Variants in PHACTR2 observed in about 807,000 individuals in gnomAD.
PHACTR2 encodes phosphatase and actin regulator 2.
A neutral mutation model predicts 76.0 loss-of-function variants in PHACTR2; 30 were observed. The ratio of observed to expected loss-of-function variants is 0.39; its 90% confidence interval spans 0.30 to 0.54. PHACTR2 has a LOEUF of 0.54. Ranked by LOEUF, PHACTR2 falls within the 20% of genes least tolerant of loss-of-function variation. PHACTR2 has a pLI of 0.61. For synonymous variants in PHACTR2, 292 were observed against 292.5 expected, an observed-to-expected ratio of 1.00 and a Z score of 0.02; for missense variants, 696 against 781.1, an observed-to-expected ratio of 0.89 and a Z score of 1.30.
chr6:143,638,227 G>A, intron 1 of PHACTR2, among the ~76,000 whole-genome samples: 1 of 152,108 alleles, frequency 6.6e-6, no homozygotes, highest in East Asian at 1.9e-4. Context: ...CAAATTCAGT[G>A]ATCGCTATGG....
chr6:143,636,401 T>C (rs1776455939), intron 1 of PHACTR2, among the ~76,000 whole-genome samples: 3 of 152,204 alleles, frequency 2.0e-5, no homozygotes, highest in Admixed American at 1.3e-4. Context: ...ATTTTCTGAT[T>C]CATTTGAAGT....
Position 143,825,250 on chromosome 6 carries a change from T to C in PHACTR2, c.*1561T>C, listed in dbSNP as rs1432541561. 6.6e-6 allele frequency: 1 copy of C among 152,240 alleles called. No homozygotes were observed. The highest frequency in any genetic ancestry group is 1.5e-5 in the Non-Finnish European group (1 of 68,034). The allele number at this position is 152,240 out of a possible 1,614,324, so 9.4% of individuals were successfully genotyped here. A position where few individuals can be genotyped will look rare whatever the true frequency, so the allele number is the denominator to read the frequency against. Reference sequence around the variant, plus strand: ...TGTTTCTGGTTCAAGACTGTCATTTTCTATTTCAACCGAAAAGTAAGCATT... The same window carrying C: ...TGTTTCTGGTTCAAGACTGTCATTTCCTATTTCAACCGAAAAGTAAGCATT... On this transcript the variant is annotated 3_prime_UTR_variant, in exon 13 of 13. Coordinates refer to ENST00000440869, the MANE Select transcript of PHACTR2 (RefSeq NM_001100164.2). The surrounding 1 kb of genome is among the most constrained non-coding windows in gnomAD (Gnocchi z 4.1).
chr6:143,640,143 C>T (rs1776539471), intron 1 of PHACTR2, among the ~76,000 whole-genome samples: 2 of 152,222 alleles, frequency 1.3e-5, no homozygotes, highest in African/African-American at 2.4e-5. Flanking sequence ...ACCTACTGCA[C>T]TGCCAGTTGT....
rs1776118803 is a variant in PHACTR2 at position 143,619,718 on chromosome 6, ATC to A, written c.13+11397_13+11398del. Among the ~76,000 whole-genome samples, 5 of 152,302 alleles carry A rather than the reference ATC, an allele frequency of 3.3e-5. 1 individual carries two copies. In the South Asian group the frequency reaches 6.2e-4, roughly 19 times the overall value. ...CCTGCTGCATGCCTCTGCACTTCAC[ATC>A]CTGGGTCTTATTTTCTTAGTAAGGG... On this transcript the variant is annotated intron_variant, in intron 1 of 11. Coordinates refer to the PHACTR2 transcript ENST00000305766. This position sits in a 1 kb window ranked among gnomAD's most constrained non-coding sequence, Gnocchi z 4.5.
In PHACTR2 at chr6:143,786,781, C is replaced by T. The variant is rs377067579; in HGVS notation, c.1708-1992C>T. 2.6e-5 allele frequency among the ~76,000 whole-genome samples: 4 copies of T among 152,144 alleles called. No homozygotes were observed. The South Asian group carries it at 6.2e-4, about 24-fold the overall frequency. ...ATCTCATGAGACTCATTCACTATCA[C>T]GAGAATAGCATGGGAAAGACCAGCC... On this transcript the variant is annotated intron_variant, in intron 10 of 12. Transcript: ENST00000440869.
intron 2 of PHACTR2, among the ~76,000 whole-genome samples, chr6:143,746,327 T>G (rs1433492949): frequency 6.6e-6 from 1 of 152,192 alleles, no homozygotes; most frequent in Non-Finnish European, 1.5e-5. Flanking sequence ...GCAGCCATTT[T>G]GTGTTTTGGG....
rs1341643834 is a variant in PHACTR2 at position 143,547,495 on chromosome 6, C to A, written c.217+10288C>A. Among the ~76,000 whole-genome samples the A allele has an allele frequency of 6.6e-6, 1 of 152,154 alleles. No homozygotes were observed. The highest frequency in any genetic ancestry group is 1.5e-5 in the Non-Finnish European group (1 of 68,032). On this transcript the variant is annotated intron_variant, in intron 1 of 11. Transcript: ENST00000367584. This position sits in a 1 kb window ranked among gnomAD's most constrained non-coding sequence, Gnocchi z 4.2. ...CACAAGGTCATATGTGCTAACCAAG[C>A]AGATCAGTTGGAACTGTTAACACAG...
intron 2 of PHACTR2, among the ~76,000 whole-genome samples, chr6:143,740,278 G>A (rs1372668044): frequency 1.3e-5 from 2 of 152,034 alleles, no homozygotes; most frequent in Non-Finnish European, 1.5e-5. Context: ...GTGGGTTTTA[G>A]CTGGCTTCTT....
Position 143,616,605 on chromosome 6 carries a change from G to A in PHACTR2, c.13+8283G>A, listed in dbSNP as rs1387773571. ...TCTGTGCCACGCAATGTCCTAGTTA[G>A]TGTGGATATGAGAGAATGAAACGGA... is the stretch of plus-strand genomic sequence containing the variant. On this transcript the variant is annotated intron_variant, in intron 1 of 11. Transcript: ENST00000305766. The surrounding 1 kb of genome is among the most constrained non-coding windows in gnomAD (Gnocchi z 4.9). Among the ~76,000 whole-genome samples the A allele has an allele frequency of 2.0e-5, 3 of 152,144 alleles. No homozygotes were observed. The highest frequency in any genetic ancestry group is 7.2e-5 in the African/African-American group (3 of 41,424).
At position 143,819,518 on chromosome 6, in the gene PHACTR2, A is replaced by T. The variant is rs1160449697; in HGVS notation, c.1923-4156A>T. On this transcript the variant is annotated intron_variant, in intron 12 of 12. Coordinates refer to ENST00000440869, the MANE Select transcript of PHACTR2 (RefSeq NM_001100164.2). The surrounding 1 kb of genome is among the most constrained non-coding windows in gnomAD (Gnocchi z 5.0). Reference sequence around the variant, plus strand: ...GAAGTCCCAGAACAGGCTGTCGGCAACCTGGAGACCCTGAGATGCTGGTAG... The same window carrying T: ...GAAGTCCCAGAACAGGCTGTCGGCATCCTGGAGACCCTGAGATGCTGGTAG... Among the ~76,000 whole-genome samples the T allele has an allele frequency of 6.6e-6, 1 of 152,200 alleles. No homozygotes were observed. The highest frequency in any genetic ancestry group is 6.5e-5 in the Admixed American group (1 of 15,278).
At chr6:143,799,635 C>T (rs1196523309) in intron 11 of PHACTR2, among the ~76,000 whole-genome samples, 12 of 152,118 alleles carry the variant, frequency 7.9e-5, no homozygotes, top group East Asian at 5.8e-4. Flanking sequence ...GCCTTCATTT[C>T]GTTATTTATC....
At chr6:143,615,459 A>T (rs1776044817) in intron 1 of PHACTR2, among the ~76,000 whole-genome samples, 1 of 152,208 alleles carries the variant, frequency 6.6e-6, no homozygotes, top group Non-Finnish European at 1.5e-5. Flanking sequence ...ATGTCATATG[A>T]TCTTATTATA....
rs1358668105 is a variant in PHACTR2, at chr6:143,550,746, A to G, written c.217+13539A>G. Among the ~76,000 whole-genome samples, 1 of 151,992 alleles carries G rather than the reference A, an allele frequency of 6.6e-6. No homozygotes were observed. The highest frequency in any genetic ancestry group is 1.9e-4 in the East Asian group (1 of 5,190). On this transcript the variant is annotated intron_variant, in intron 1 of 11. Transcript: ENST00000367584. The surrounding 1 kb of genome is among the most constrained non-coding windows in gnomAD (Gnocchi z 4.8). The stretch of plus-strand genomic sequence containing the variant: ...AACAAACAACAACAAAAACAAACAA[A>G]CAAAGATTAGGGGCGAGTGCGGTGG...
In PHACTR2 at chr6:143,639,476, TTTCTGCTTATGTAGATCA is replaced by T. The variant is rs1160905362; in HGVS notation, c.13+31155_13+31172del. ...TCTTATTTTTAATTCACACTTTTGT[TTTCTGCTTATGTAGATCA>T]CCTATTTTTACTTTTGGCATCTAGA... On this transcript the variant is annotated intron_variant, in intron 1 of 11. Transcript: ENST00000305766. The surrounding 1 kb of genome is among the most constrained non-coding windows in gnomAD (Gnocchi z 5.0). Among the ~76,000 whole-genome samples, 1 of 152,224 alleles carries T rather than the reference TTTCTGCTTATGTAGATCA, an allele frequency of 6.6e-6. No homozygotes were observed. The highest frequency in any genetic ancestry group is 1.5e-5 in the Non-Finnish European group (1 of 68,036).
At chr6:143,593,072 GAAC>G (rs1775711228) in intron 1 of PHACTR2, among the ~76,000 whole-genome samples, 2 of 133,420 alleles carry the variant, frequency 1.5e-5, no homozygotes, top group Non-Finnish European at 3.2e-5. Context: ...AAAAAAAAAG[GAAC>G]CCCCATGAGA....
In PHACTR2 at chr6:143,689,558, A is replaced by G. The variant is rs2128455702; in HGVS notation, c.46+11349A>G. 6.6e-6 allele frequency among the ~76,000 whole-genome samples: 1 copy of G among 152,196 alleles called. No individual in the cohort carries two copies. The highest frequency in any genetic ancestry group is 2.1e-4 in the South Asian group (1 of 4,814). Reference sequence around the variant, plus strand: ...ATTGATTGATTTTTCAGCATGACACATTATCTACTGAGCTCACAGTATGGA... The same window carrying G: ...ATTGATTGATTTTTCAGCATGACACGTTATCTACTGAGCTCACAGTATGGA... On this transcript the variant is annotated intron_variant, in intron 1 of 12. Transcript: ENST00000440869. This position sits in a 1 kb window ranked among gnomAD's most constrained non-coding sequence, Gnocchi z 4.4.
chr6:143,546,873 AT>A lies in PHACTR2; in HGVS notation c.217+9667del, dbSNP rs371585942. Among the ~76,000 whole-genome samples the A allele has an allele frequency of 2.3e-4, 34 of 144,872 alleles. No homozygotes were observed. Among genetic ancestry groups the A allele is most frequent in the Middle Eastern group, 3.5e-3 (1 of 286 alleles). ...AGACCCCATCTCAAAAAAAAAAAAA[AT>A]AAAAAATAAAAAATTAGCCAGGTGA... On this transcript the variant is annotated intron_variant, in intron 1 of 11. Coordinates refer to the PHACTR2 transcript ENST00000367584. The surrounding 1 kb of genome is among the most constrained non-coding windows in gnomAD (Gnocchi z 4.9).
chr6:143,816,007 A>G lies in PHACTR2; in HGVS notation c.1923-7667A>G, dbSNP rs984133970. On this transcript the variant is annotated intron_variant, in intron 12 of 12. Transcript: ENST00000440869. The surrounding 1 kb of genome is among the most constrained non-coding windows in gnomAD (Gnocchi z 4.5). ...TTTATCTGAATTCCATAACTTAAAA[A>G]TAGCTTTTCCCCCATTCCCTCCCTC... Among the ~76,000 whole-genome samples the G allele has an allele frequency of 5.3e-5, 8 of 152,332 alleles. No homozygotes were observed. The highest frequency in any genetic ancestry group is 1.9e-4 in the African/African-American group (8 of 41,586).
rs1383844117 is a variant in PHACTR2, at chr6:143,549,795, C to T, written c.217+12588C>T. Among the ~76,000 whole-genome samples the T allele has an allele frequency of 1.3e-5, 2 of 151,852 alleles. No individual in the cohort carries two copies. Among genetic ancestry groups the T allele is most frequent in the South Asian group, 2.1e-4 (1 of 4,776 alleles). The stretch of plus-strand genomic sequence containing the variant: ...TGATGTTCATGTTTGCAGGCCCTCA[C>T]CTGTGTTAAAGTCATGCTTAGGAGT... On this transcript the variant is annotated intron_variant, in intron 1 of 11. Coordinates refer to the PHACTR2 transcript ENST00000367584. The surrounding 1 kb of genome is among the most constrained non-coding windows in gnomAD (Gnocchi z 4.2).
Sources: gnomAD v4.1 joint callset for allele counts (sites outside exome capture counted in the v4.1 genomes callset) on GRCh38, gnomAD v4.1.1 for gene constraint, Gnocchi (gnomAD v3.1) non-coding constraint, MANE v1.5 for transcripts, NCBI Gene and HGNC (gene_info 2026-07-23, HGNC 2026-07-21) for gene names.